Variants in DRC8 observed in about 807,000 individuals in gnomAD.
DRC8 encodes dynein regulatory complex protein 8.
chr1:245,108,443 A>C, the DRC8 span, among the ~76,000 whole-genome samples: 10 of 152,030 alleles, frequency 6.6e-5, no homozygotes, highest in South Asian at 2.1e-4. Flanking sequence ...TTTCTCTTTG[A>C]CTATTGCTTC....
At chr1:245,082,995 CA>C in the DRC8 span, among the ~76,000 whole-genome samples, 2 of 152,086 alleles carry the variant, frequency 1.3e-5, no homozygotes, top group African/African-American at 2.4e-5. Context: ...AGGCATGAGC[CA>C]CCATACCCAG....
At chr1:245,058,810 T>C in the DRC8 span, among the ~76,000 whole-genome samples, 119 of 152,352 alleles carry the variant, frequency 7.8e-4, 2 homozygotes, top group East Asian at 0.02. Context: ...CTTTGTATTA[T>C]GATAGCTCTT....
chr1:245,079,076 T>C, the DRC8 span, among the ~76,000 whole-genome samples: 6 of 152,206 alleles, frequency 3.9e-5, no homozygotes, highest in African/African-American at 1.2e-4. Flanking sequence ...GTTATTCAAA[T>C]ATAAAATCCT....
chr1:244,985,142 A>G, the DRC8 span, among the ~76,000 whole-genome samples: 1 of 142,136 alleles, frequency 7.0e-6, no homozygotes, highest in Non-Finnish European at 1.5e-5. Context: ...TCTACACTTC[A>G]TTATACGCTT....
At chr1:245,124,549 A>G in the DRC8 span, 1 of 151,748 alleles carries the variant, frequency 6.6e-6, no homozygotes, top group African/African-American at 2.4e-5. Flanking sequence ...CTTGTAACCA[A>G]CAGTGACGTA....
At chr1:245,038,073 C>T in the DRC8 span, among the ~76,000 whole-genome samples, 1 of 152,142 alleles carries the variant, frequency 6.6e-6, no homozygotes, top group South Asian at 2.1e-4. Flanking sequence ...TAAGTTAACA[C>T]AGTCTCAATT....
At chr1:244,970,292 C>T in the DRC8 span, 7 of 714,658 alleles carry the variant, frequency 9.8e-6, no homozygotes, top group Non-Finnish European at 1.7e-5. Flanking sequence ...GCCCAAGGGT[C>T]TTCCTCCCCC....
At chr1:245,035,984 G>A in the DRC8 span, among the ~76,000 whole-genome samples, 2 of 152,038 alleles carry the variant, frequency 1.3e-5, no homozygotes, top group African/African-American at 4.8e-5. Flanking sequence ...ATTAGGCAGT[G>A]GTTTCTTAGC....
the DRC8 span, among the ~76,000 whole-genome samples, chr1:245,006,796 T>C: frequency 1.3e-5 from 2 of 152,058 alleles, no homozygotes; most frequent in Non-Finnish European, 2.9e-5. Flanking sequence ...TAGCTGGGCA[T>C]GGTGGCACAG....
the DRC8 span, among the ~76,000 whole-genome samples, chr1:245,040,197 G>A: frequency 4.6e-5 from 7 of 152,148 alleles, no homozygotes; most frequent in African/African-American, 1.7e-4. Flanking sequence ...GCAGCCATTG[G>A]GCAATGTGGA....
the DRC8 span, among the ~76,000 whole-genome samples, chr1:245,018,550 G>A: frequency 6.6e-6 from 1 of 152,142 alleles, no homozygotes; most frequent in African/African-American, 2.4e-5. Context: ...GGTAGGGTTA[G>A]GGAGGGGGTG....
chr1:244,971,750 TG>T, the DRC8 span, among the ~76,000 whole-genome samples: 1 of 152,116 alleles, frequency 6.6e-6, no homozygotes, highest in Non-Finnish European at 1.5e-5. Flanking sequence ...CTTGTTCCGG[TG>T]ATCACAGAAA....
At chr1:245,013,208 G>T in the DRC8 span, among the ~76,000 whole-genome samples, 2 of 152,078 alleles carry the variant, frequency 1.3e-5, no homozygotes, top group Non-Finnish European at 2.9e-5. Context: ...ATAGAATTAA[G>T]TATTTGCCAG....
the DRC8 span, among the ~76,000 whole-genome samples, chr1:245,111,063 T>A: frequency 1.3e-5 from 2 of 152,178 alleles, no homozygotes; most frequent in African/African-American, 4.8e-5. Flanking sequence ...GGTTTCACAA[T>A]CAGAATACTG....
chr1:245,087,098 C>A, the DRC8 span: 1 of 1,175,420 alleles, frequency 8.5e-7, no homozygotes, highest in Non-Finnish European at 1.2e-6. Context: ...TCTGGACTGT[C>A]GTGATGTCCT....
At chr1:244,971,892 C>T in the DRC8 span, among the ~76,000 whole-genome samples, 3 of 128,542 alleles carry the variant, frequency 2.3e-5, no homozygotes, top group African/African-American at 8.5e-5. Flanking sequence ...GATGCCCTTA[C>T]ATACAAAGAA....
At chr1:245,071,199 G>A in the DRC8 span, among the ~76,000 whole-genome samples, 1 of 152,216 alleles carries the variant, frequency 6.6e-6, no homozygotes, top group Non-Finnish European at 1.5e-5. Context: ...ATGTGGAAGT[G>A]GCTTTGGAAC....
the DRC8 span, among the ~76,000 whole-genome samples, chr1:245,016,487 C>T: frequency 5.3e-5 from 8 of 152,308 alleles, no homozygotes; most frequent in Admixed American, 2.0e-4. Context: ...CCCCCACCCA[C>T]GCCCAGCACT....
At chr1:245,118,519 C>T in the DRC8 span, among the ~76,000 whole-genome samples, 1 of 152,158 alleles carries the variant, frequency 6.6e-6, no homozygotes, top group South Asian at 2.1e-4. Context: ...AAGCCGGGCG[C>T]AGTGGCTCAC....
Sources: gnomAD v4.1 joint callset for allele counts (sites outside exome capture counted in the v4.1 genomes callset) on GRCh38, gnomAD v4.1.1 for gene constraint, MANE v1.5 for transcripts, NCBI Gene and HGNC (gene_info 2026-07-23, HGNC 2026-07-21) for gene names.